The following DUSP4 variants were observed in gnomAD, a reference collection of about 807,000 sequenced individuals.
DUSP4 encodes dual specificity phosphatase 4.
In DUSP4, 12 loss-of-function variants were observed where a neutral mutation model predicts 27.2. That is an observed-to-expected ratio of 0.44 (90% CI 0.28 to 0.71). The LOEUF (loss-of-function observed/expected upper bound fraction) is 0.71. Ranked by LOEUF, DUSP4 falls within the 30% of genes least tolerant of loss-of-function variation. DUSP4 has a pLI of 0.14. For synonymous variants in DUSP4, 257 were observed against 245.2 expected (o/e 1.05, Z -0.45); for missense variants, 448 against 551.3 (o/e 0.81, Z 1.88).
intron 1 of DUSP4, among the ~76,000 whole-genome samples, chr8:29,342,239 C>T (rs1587047978): frequency 2.0e-5 from 3 of 152,148 alleles, no homozygotes; most frequent in Non-Finnish European, 2.9e-5. Context: ...AGTGAAGTTC[C>T]GAAAGGGCAC....
rs1037066663 is a variant in DUSP4, at chr8:29,337,639, T to C, written c.800-228A>G. ...GAAGCTGGTTAAATCCTATTATCTG[T>C]TCAAGGATTTCCCTTTGCAGAAACA... On this transcript the variant is annotated intron_variant, in intron 3 of 3. Coordinates refer to ENST00000240100, the MANE Select transcript of DUSP4 (RefSeq NM_001394.7). The surrounding 1 kb of genome is among the most constrained non-coding windows in gnomAD (Gnocchi z 6.4). 2.0e-5 allele frequency among the ~76,000 whole-genome samples: 3 copies of C among 152,196 alleles called. No individual in the cohort carries two copies. The highest frequency in any genetic ancestry group is 7.2e-5 in the African/African-American group (3 of 41,438).
intron 1 of DUSP4, chr8:29,347,723 C>T: frequency 1.0e-6 from 1 of 983,674 alleles, no homozygotes; most frequent in African/African-American, 1.7e-5. Flanking sequence ...CAGGAGGAAA[C>T]AGCCCTTAAA....
rs1310230358 is a variant in DUSP4 at position 29,333,500 on chromosome 8, G to A, written c.*3526C>T. The stretch of plus-strand genomic sequence containing the variant: ...GGGTGCTCCACTCAGGAACTCCCAA[G>A]AGAAACCATCTTGTCCCTCAGCCAG... On this transcript the variant is annotated 3_prime_UTR_variant, in exon 4 of 4. Coordinates refer to ENST00000240100, the MANE Select transcript of DUSP4 (RefSeq NM_001394.7). 6.6e-6 allele frequency: 1 copy of A among 152,290 alleles called. No homozygotes were observed. Among genetic ancestry groups the A allele is most frequent in the African/African-American group, 2.4e-5 (1 of 41,468 alleles). 9.4% of individuals were successfully genotyped at this position (152,290 alleles called of 1,614,324 possible).
chr8:29,333,719 C>A lies in DUSP4; in HGVS notation c.*3307G>T, dbSNP rs528193968. 1 of 152,382 alleles carries A rather than the reference C, an allele frequency of 6.6e-6. No individual in the cohort carries two copies. Among genetic ancestry groups the A allele is most frequent in the African/African-American group, 2.4e-5 (1 of 41,570 alleles). The allele number at this position is 152,382 out of a possible 1,614,324, so 9.4% of individuals were successfully genotyped here. ...CTACGAAACACACTGATGCCTGAGT[C>A]CCCCACCTAGAATTGGTTGAACTGG... On this transcript the variant is annotated 3_prime_UTR_variant, in exon 4 of 4. Coordinates refer to ENST00000240100, the MANE Select transcript of DUSP4 (RefSeq NM_001394.7).
chr8:29,348,687 T>G (rs1817774627), intron 1 of DUSP4: 1 of 985,162 alleles, frequency 1.0e-6, no homozygotes, highest in Non-Finnish European at 1.2e-6. Flanking sequence ...TCCAGCTCCC[T>G]TCCTCCCGGG....
In DUSP4 at chr8:29,336,012, C is replaced by T. The variant is rs1328309319; in HGVS notation, c.*1014G>A. On this transcript the variant is annotated 3_prime_UTR_variant, in exon 4 of 4. Transcript: ENST00000240100. ...CTGCAGTCCCAGCTACTCAGGAGGC[C>T]GAGGTGGGAGGATCTCTTGAGCCCA... 1.3e-5 allele frequency: 2 copies of T among 152,114 alleles called. No homozygotes were observed. Among genetic ancestry groups the T allele is most frequent in the Non-Finnish European group, 2.9e-5 (2 of 68,026 alleles). The allele number at this position is 152,114 out of a possible 1,614,324, so 9.4% of individuals were successfully genotyped here. A position where few individuals can be genotyped will look rare whatever the true frequency, so the allele number is the denominator to read the frequency against.
rs749291210 is a variant in DUSP4, at chr8:29,337,068, C to T, written c.1143G>A (p.Leu381=). The T allele has an allele frequency of 1.7e-5, 28 of 1,606,808 alleles. No homozygotes were observed. The highest frequency in any genetic ancestry group is 2.3e-5 in the Non-Finnish European group (27 of 1,176,896). The part of the protein sequence containing the change: ...SVGVHSAPSS[L]PYLHSPITTS... ...TGGTGATGGGGCTGTGCAGGTAGGG[C>T]AGGCTGCTGGGGGCCGAGTGCACGC... Residue 381 remains leucine (L), a synonymous_variant, in exon 4 of 4, where the codon CTG becomes CTA. Transcript: ENST00000240100. The surrounding 1 kb of genome is among the most constrained non-coding windows in gnomAD (Gnocchi z 6.4).
At chr8:29,347,285 C>A (rs1159024912) in intron 1 of DUSP4, among the ~76,000 whole-genome samples, 1 of 152,206 alleles carries the variant, frequency 6.6e-6, no homozygotes, top group East Asian at 1.9e-4. Context: ...CCTTCCCCAG[C>A]CCCTTCCCGC....
intron 1 of DUSP4, among the ~76,000 whole-genome samples, chr8:29,345,147 GC>G (rs1441668096): frequency 6.6e-6 from 1 of 152,174 alleles, no homozygotes; most frequent in Non-Finnish European, 1.5e-5. Context: ...TAATGTGGCT[GC>G]CACTTTTTCC....
intron 1 of DUSP4, 138 bp downstream of exon 1, chr8:29,349,708 A>C (rs1445490208): frequency 8.1e-7 from 1 of 1,241,566 alleles, no homozygotes; most frequent in African/African-American, 1.5e-5. Context: ...CCTACACACC[A>C]ACACACACAA....
In DUSP4 at chr8:29,349,979, G is replaced by A; in HGVS notation, c.300C>T (p.Gly100=). The A allele has an allele frequency of 1.3e-6, 2 of 1,576,414 alleles. No homozygotes were observed. Among genetic ancestry groups the A allele is most frequent in the Non-Finnish European group, 1.7e-6 (2 of 1,166,122 alleles). Reference sequence around the variant, plus strand: ...CGTAGACGATGACCGCCGAGTAGAGGCCGGAGCGCAAGCGGGCGCGTACCT... The same window carrying A: ...CGTAGACGATGACCGCCGAGTAGAGACCGGAGCGCAAGCGGGCGCGTACCT... ...EEEVRARLRS[G]LYSAVIVYDE... is the part of the protein sequence containing the mutation. The change falls in exon 1 of 4, where the codon GGC becomes GGT. Residue 100 remains glycine, a synonymous_variant. Coordinates refer to ENST00000240100, the MANE Select transcript of DUSP4 (RefSeq NM_001394.7).
Position 29,338,494 on chromosome 8 carries a change from G to A in DUSP4, c.587C>T (p.Pro196Leu). 1 of 1,612,962 alleles carries A rather than the reference G, an allele frequency of 6.2e-7. No homozygotes were observed. The highest frequency in any genetic ancestry group is 8.5e-7 in the Non-Finnish European group (1 of 1,179,882). Residue 196 changes from proline (P) to leucine (L), a missense_variant, in exon 3 of 4, where the codon CCT becomes CTT. Pro to Leu is a moderately conservative substitution (Grantham distance 98). This residue lies in a region of DUSP4 where 345 missense variants were observed against 394.0 expected (regional missense o/e 0.88). Transcript: ENST00000240100. The part of the protein sequence containing the change: ...CGTPLHDQGG[P>L]VEILPFLYLG... ...GTAGAGGAAGGGAAGGATCTCCACA[G>A]GACCCCCCTGCACAGAAAGGGAAAC...
intron 1 of DUSP4, chr8:29,348,695 G>A: frequency 1.0e-6 from 1 of 985,486 alleles, no homozygotes; most frequent in Non-Finnish European, 1.2e-6. Flanking sequence ...CCTTCCTCCC[G>A]GGTGGACAGG....
chr8:29,350,050 C>A lies in DUSP4; in HGVS notation c.229G>T (p.Ala77Ser). 6.3e-7 allele frequency: 1 copy of A among 1,597,014 alleles called. No individual in the cohort carries two copies. Among genetic ancestry groups the A allele is most frequent in the Non-Finnish European group, 8.5e-7 (1 of 1,173,484 alleles). Residue 77 changes from alanine to serine, a missense_variant, in exon 1 of 4, where the codon GCT becomes TCT. This residue lies in a region of DUSP4 where 345 missense variants were observed against 394.0 expected (regional missense o/e 0.88). Coordinates refer to ENST00000240100, the MANE Select transcript of DUSP4 (RefSeq NM_001394.7). Reference sequence around the variant, plus strand: ...TGCTCCAGGCTCACGGAGCCCTTAGCCCGCCGCCGCACGATGGTGTTACAG... The same window carrying A: ...TGCTCCAGGCTCACGGAGCCCTTAGACCGCCGCCGCACGATGGTGTTACAG... ...VRCNTIVRRR[A>S]KGSVSLEQIL...
Position 29,350,625 on chromosome 8 carries a change from A to G in DUSP4, c.-347T>C, listed in dbSNP as rs3757999. 0.22 allele frequency: 58,999 copies of G among 269,742 alleles called. 8,136 individuals are homozygous for G. Among genetic ancestry groups the G allele is most frequent in the East Asian group, 0.57 (6,552 of 11,484 alleles). 16.7% of individuals were successfully genotyped at this position (269,742 alleles called of 1,614,324 possible). ...TGCCGGTCGCGCGGCTCCTGTCGCC[A>G]CTGGCGCCAGCGCTGCCCTGCCTAC... On this transcript the variant is annotated 5_prime_UTR_variant, in exon 1 of 4. Coordinates refer to ENST00000240100, the MANE Select transcript of DUSP4 (RefSeq NM_001394.7).
At chr8:29,347,565 G>C (rs1182154628) in intron 1 of DUSP4, among the ~76,000 whole-genome samples, 7 of 152,186 alleles carry the variant, frequency 4.6e-5, no homozygotes, top group Non-Finnish European at 2.9e-5. Context: ...CTGAACTTCT[G>C]GCTAGGAGGG....
intron 1 of DUSP4, chr8:29,348,788 TG>T (rs917766881): frequency 2.1e-5 from 21 of 983,652 alleles, no homozygotes; most frequent in South Asian, 1.9e-4. Context: ...TTGATGGGTG[TG>T]GGGGGGTCTG....
At chr8:29,346,541 T>G (rs1313543090) in intron 1 of DUSP4, among the ~76,000 whole-genome samples, 1 of 152,164 alleles carries the variant, frequency 6.6e-6, no homozygotes, top group Non-Finnish European at 1.5e-5. Context: ...TTTCAAGAAG[T>G]GTATTGTGAT....
In DUSP4 at chr8:29,340,247, TA is replaced by T. The variant is rs1374325351; in HGVS notation, c.434-5del. On this transcript the variant is annotated splice_polypyrimidine_tract_variant and splice_region_variant and intron_variant, in intron 1 of 3. Coordinates refer to ENST00000240100, the MANE Select transcript of DUSP4 (RefSeq NM_001394.7). ...GAGGAAAACCTCTCATAGCCGCCTG[TA>T]AAGGAGAAAGAAGCTCAGGTTAATG... 3.1e-6 allele frequency: 5 copies of T among 1,605,844 alleles called. No individual in the cohort carries two copies. Among genetic ancestry groups the T allele is most frequent in the Non-Finnish European group, 4.3e-6 (5 of 1,176,214 alleles).
Sources: allele counts gnomAD v4.1 joint callset (sites outside exome capture counted in the v4.1 genomes callset), GRCh38; gene constraint gnomAD v4.1.1; regional missense constraint gnomAD v4.1.1; non-coding constraint Gnocchi (gnomAD v3.1); transcripts MANE v1.5; gene names NCBI Gene and HGNC (gene_info 2026-07-23, HGNC 2026-07-21).